The following CSMD1 variants were observed in gnomAD, a reference collection of about 807,000 sequenced individuals.
CSMD1 encodes the protein CUB and sushi domain-containing protein 1.
In CSMD1, 213 loss-of-function variants were observed where a neutral mutation model predicts 417.5. The ratio of observed to expected loss-of-function variants is 0.51; its 90% confidence interval spans 0.46 to 0.57. The LOEUF (loss-of-function observed/expected upper bound fraction) is 0.57, where lower values mean the gene tolerates loss of function less well. Among genes scored for constraint, CSMD1 ranks in the 20% least tolerant of loss-of-function variants. CSMD1 has a pLI of 0.00. For synonymous variants in CSMD1, 2,862 were observed against 1,736.8 expected (o/e 1.65, Z -16.11); for missense variants, 6,923 against 4,529.7 (o/e 1.53, Z -15.17).
At chr8:4,065,997 C>A (rs1249286180) in intron 3 of CSMD1, among the ~76,000 whole-genome samples, 4 of 152,130 alleles carry the variant, frequency 2.6e-5, no homozygotes, top group Non-Finnish European at 5.9e-5. Context: ...GGGAAGGAGA[C>A]CCTTCTCCAC....
chr8:3,461,591 G>C lies in CSMD1; in HGVS notation c.1561+7121C>G, dbSNP rs147075448. Among the ~76,000 whole-genome samples, 1,440 of 152,312 alleles carry C rather than the reference G, an allele frequency of 9.5e-3. 29 individuals carry two copies. The highest frequency in any genetic ancestry group is 0.033 in the African/African-American group (1,385 of 41,546). On this transcript the variant is annotated intron_variant, in intron 12 of 69. Coordinates refer to ENST00000635120, the MANE Select transcript of CSMD1 (RefSeq NM_033225.6). Reference sequence around the variant, plus strand: ...CAGAGGGGAGCTGTCTCCATCAGCAGGAAGAGGAAGGGCCCCATGAAACTG... The same window carrying C: ...CAGAGGGGAGCTGTCTCCATCAGCACGAAGAGGAAGGGCCCCATGAAACTG...
chr8:3,434,483 G>T (rs970773942), intron 12 of CSMD1, among the ~76,000 whole-genome samples: 1 of 152,150 alleles, frequency 6.6e-6, no homozygotes, highest in African/African-American at 2.4e-5. Context: ...GTTAATATGT[G>T]TTTTCACTGC....
chr8:3,505,389 T>G (rs1796781727), intron 10 of CSMD1, among the ~76,000 whole-genome samples: 1 of 152,144 alleles, frequency 6.6e-6, no homozygotes, highest in Non-Finnish European at 1.5e-5. Context: ...CAAAAGATAT[T>G]GAAGTTTCTT....
chr8:4,146,532 A>C (rs1254202065), intron 3 of CSMD1, among the ~76,000 whole-genome samples: 1 of 148,038 alleles, frequency 6.8e-6, no homozygotes, highest in Non-Finnish European at 1.5e-5. Context: ...TCTCTGGTTA[A>C]AACACCACAA....
At chr8:4,384,233 G>C (rs149762754) in intron 3 of CSMD1, among the ~76,000 whole-genome samples, 116 of 150,942 alleles carry the variant, frequency 7.7e-4, no homozygotes, top group African/African-American at 2.6e-3. Context: ...CAAGACAGAA[G>C]TGATAAATTA....
intron 1 of CSMD1, among the ~76,000 whole-genome samples, chr8:4,784,037 G>A (rs899741236): frequency 2.0e-5 from 3 of 152,292 alleles, no homozygotes; most frequent in Middle Eastern, 3.4e-3. Context: ...AAGTGTATTT[G>A]ATAATTTGTA....
intron 3 of CSMD1, among the ~76,000 whole-genome samples, chr8:4,261,140 T>G (rs1803851070): frequency 1.3e-5 from 2 of 152,210 alleles, no homozygotes; most frequent in Admixed American, 6.5e-5. Context: ...CTCTTTTTTC[T>G]CCCTTCTACT....
chr8:3,951,589 A>G (rs1184598874), intron 5 of CSMD1, among the ~76,000 whole-genome samples: 1 of 152,202 alleles, frequency 6.6e-6, no homozygotes, highest in Non-Finnish European at 1.5e-5. Context: ...CATAGAAAAC[A>G]ACGAGAGAAA....
intron 30 of CSMD1, among the ~76,000 whole-genome samples, chr8:3,206,910 C>T (rs558458262): frequency 1.3e-5 from 2 of 152,182 alleles, no homozygotes; most frequent in South Asian, 2.1e-4. Context: ...TATATTTCTA[C>T]ATGAGAAGGG....
chr8:3,858,824 T>C (rs1804491450), intron 5 of CSMD1, among the ~76,000 whole-genome samples: 1 of 152,198 alleles, frequency 6.6e-6, no homozygotes, highest in African/African-American at 2.4e-5. Context: ...GGAAATAACA[T>C]GACTTGCATG....
chr8:3,684,080 A>G (rs2129029948), intron 7 of CSMD1, among the ~76,000 whole-genome samples: 1 of 148,050 alleles, frequency 6.8e-6, no homozygotes, highest in South Asian at 2.1e-4. Context: ...ACATGAAAAA[A>G]GCAACTTTAA....
At chr8:3,257,272 C>G (rs547328163) in intron 26 of CSMD1, among the ~76,000 whole-genome samples, 2 of 152,256 alleles carry the variant, frequency 1.3e-5, no homozygotes, top group African/African-American at 2.4e-5. Context: ...CGCAGCAAGC[C>G]AAAACCGTGC....
At chr8:4,285,497 A>T (rs1448262437) in intron 3 of CSMD1, among the ~76,000 whole-genome samples, 1 of 152,184 alleles carries the variant, frequency 6.6e-6, no homozygotes, top group Non-Finnish European at 1.5e-5. Context: ...TTCCAAATAT[A>T]AAGAGGATGA....
intron 10 of CSMD1, among the ~76,000 whole-genome samples, chr8:3,506,613 G>A (rs1447501420): frequency 6.6e-6 from 1 of 152,042 alleles, no homozygotes; most frequent in Non-Finnish European, 1.5e-5. Flanking sequence ...TCCCAAAAAA[G>A]CATGCTAATA....
At chr8:2,983,995 T>C (rs185856479) in intron 54 of CSMD1, among the ~76,000 whole-genome samples, 1 of 152,302 alleles carries the variant, frequency 6.6e-6, no homozygotes, top group Non-Finnish European at 1.5e-5. Flanking sequence ...ACTGTTACAG[T>C]ATGAACTGGT....
rs565293946 is a variant in CSMD1 at position 4,165,451 on chromosome 8, G to C, written c.416-133352C>G. ...AGGTGGTGTCATGCTATGTCGCCCA[G>C]GCTGAGTGCAATGGCAGTCATTGCT... On this transcript the variant is annotated intron_variant, in intron 3 of 69. Coordinates refer to ENST00000635120, the MANE Select transcript of CSMD1 (RefSeq NM_033225.6). Among the ~76,000 whole-genome samples, 6 of 152,306 alleles carry C rather than the reference G, an allele frequency of 3.9e-5. No individual in the cohort carries two copies. The East Asian group carries it at 7.7e-4, about 20-fold the overall frequency.
rs184551493 is a variant in CSMD1 at position 4,626,081 on chromosome 8, T to C, written c.302+11261A>G. ...GACTTGTAAGAACTGACATTACAAT[T>C]GGAGAAAAACTGCCATGAAAGATTC... On this transcript the variant is annotated intron_variant, in intron 2 of 69. Transcript: ENST00000635120. Among the ~76,000 whole-genome samples the C allele has an allele frequency of 3.6e-3, 543 of 152,242 alleles. 10 individuals carry two copies. The highest frequency in any genetic ancestry group is 0.012 in the African/African-American group (483 of 41,524).
chr8:3,521,847 A>C (rs1470642247), intron 10 of CSMD1, among the ~76,000 whole-genome samples: 2 of 152,208 alleles, frequency 1.3e-5, no homozygotes, highest in African/African-American at 4.8e-5. Flanking sequence ...ATATTATCAT[A>C]CTATCTATTC....
intron 7 of CSMD1, among the ~76,000 whole-genome samples, chr8:3,641,563 C>T (rs1293255170): frequency 2.6e-5 from 4 of 152,166 alleles, no homozygotes; most frequent in Non-Finnish European, 5.9e-5. Flanking sequence ...AAAGTCAGAA[C>T]ATCCTTTCAG....
Sources: gnomAD v4.1 joint callset for allele counts (sites outside exome capture counted in the v4.1 genomes callset) on GRCh38, gnomAD v4.1.1 for gene constraint, MANE v1.5 for transcripts, NCBI Gene and HGNC (gene_info 2026-07-23, HGNC 2026-07-21) for gene names.